Variants in NEB observed in about 807,000 individuals in gnomAD.
NEB encodes the protein nebulin, also known as nemaline myopathy type 2.
NEB carries 512 observed loss-of-function variants against 952.2 expected under a neutral mutation model. The ratio of observed to expected loss-of-function variants is 0.54; its 90% CI spans 0.50 to 0.58. NEB has a LOEUF of 0.58. NEB is among the 20% of genes least tolerant of loss of function. The probability of loss-of-function intolerance (pLI) is 0.00; values close to 1 mark genes in which losing one functional copy is unlikely to be tolerated. For missense variants in NEB, 8,428 were observed against 9,231.1 expected (o/e 0.91, Z 3.56); for synonymous variants, 2,900 against 3,149.8 (o/e 0.92, Z 2.66).
chr2:151,487,045 TTG>T (rs568565482), intron 181 of NEB, among the ~76,000 whole-genome samples: 7 of 151,624 alleles, frequency 4.6e-5, no homozygotes, highest in South Asian at 4.2e-4. Flanking sequence ...ATGCATGAAA[TTG>T]TGTGTGTGTG....
At chr2:151,500,593 CTTTTTTT>C (rs11428843) in intron 168 of NEB, among the ~76,000 whole-genome samples, 7 of 118,458 alleles carry the variant, frequency 5.9e-5, no homozygotes, top group African/African-American at 1.8e-4. Context: ...TTCTTTCTTC[CTTTTTTT>C]TTTTTTTTTT....
chr2:151,708,970 C>G (rs947711787), intron 12 of NEB, among the ~76,000 whole-genome samples: 2 of 152,224 alleles, frequency 1.3e-5, no homozygotes, highest in Non-Finnish European at 2.9e-5. Flanking sequence ...TAATAGCCTT[C>G]TAAGTGATGT....
intron 166 of NEB, 21 bp downstream of exon 166, chr2:151,503,327 TA>T: frequency 1.3e-6 from 2 of 1,531,660 alleles, no homozygotes; most frequent in Non-Finnish European, 1.8e-6. Context: ...AATAGTTTCT[TA>T]TATGATATAT....
At chr2:151,726,389 CCAAA>C (rs1412776748) in intron 5 of NEB, among the ~76,000 whole-genome samples, 1 of 152,152 alleles carries the variant, frequency 6.6e-6, no homozygotes, top group Non-Finnish European at 1.5e-5. Flanking sequence ...TAGAATTTTA[CCAAA>C]CAGTGAGCTG....
chr2:151,554,830 A>G, intron 125 of NEB, 101 bp downstream of exon 125: 5 of 870,668 alleles, frequency 5.7e-6, no homozygotes, highest in Non-Finnish European at 9.8e-6. Flanking sequence ...AGGTATGTGG[A>G]AGTGCACTCT....
In NEB at chr2:151,650,906, GCT is replaced by G. The variant is rs1255609567; in HGVS notation, c.6916-23_6916-22del. ...TTATACTGAAATCAGAGAAAACACA[GCT>G]CTTTTAGTACACAAAGGCCAAGTTA... On this transcript the variant is annotated intron_variant, in intron 52 of 181. Coordinates refer to ENST00000397345, the MANE Select transcript of NEB (RefSeq NM_001164508.2). The G allele has an allele frequency of 5.1e-6, 8 of 1,582,314 alleles. No homozygotes were observed. In the South Asian group the frequency reaches 8.2e-5, roughly 16 times the overall value.
intron 138 of NEB, among the ~76,000 whole-genome samples, chr2:151,539,768 C>T (rs1452922040): frequency 6.6e-6 from 1 of 152,182 alleles, no homozygotes; most frequent in African/African-American, 2.4e-5. Flanking sequence ...ATCTGTCCCC[C>T]CTAATTTTAA....
chr2:151,577,552 T>C (rs1167439702), intron 105 of NEB, among the ~76,000 whole-genome samples: 1 of 152,190 alleles, frequency 6.6e-6, no homozygotes, highest in Non-Finnish European at 1.5e-5. Flanking sequence ...CGGTTATCAA[T>C]GTGAACTCCC....
intron 20 of NEB, among the ~76,000 whole-genome samples, chr2:151,693,527 T>C (rs2099574222): frequency 6.6e-6 from 1 of 152,060 alleles, no homozygotes; most frequent in East Asian, 1.9e-4. Flanking sequence ...TTTGATTTTC[T>C]GTTCCTGCGT....
Position 151,552,665 on chromosome 2 carries a change from C to A in NEB, c.19836+7G>T. On this transcript the variant is annotated splice_region_variant and intron_variant, in intron 128 of 181. Coordinates refer to ENST00000397345, the MANE Select transcript of NEB (RefSeq NM_001164508.2). Reference sequence around the variant, plus strand: ...CTGTCCACTTAACTTCCCCAGTGATCACTTACGTCACTTAGCTGTTTCCCA... The same window carrying A: ...CTGTCCACTTAACTTCCCCAGTGATAACTTACGTCACTTAGCTGTTTCCCA... 1 of 1,602,300 alleles carries A rather than the reference C, an allele frequency of 6.2e-7. No homozygotes were observed. Among genetic ancestry groups the A allele is most frequent in the South Asian group, 1.1e-5 (1 of 90,262 alleles).
At chr2:151,546,077 C>T (rs375181005) in intron 134 of NEB, 79 bp from the exon 135 acceptor site, 30 of 996,320 alleles carry the variant, frequency 3.0e-5, no homozygotes, top group Middle Eastern at 4.2e-4. Flanking sequence ...TTTCAAATGT[C>T]TGGCATGTGT....
chr2:151,579,226 TA>T, intron 105 of NEB, 111 bp downstream of exon 105: 2 of 722,950 alleles, frequency 2.8e-6, no homozygotes, highest in Non-Finnish European at 4.4e-6. Context: ...ATAATTCTGA[TA>T]AAATAATAAT....
chr2:151,511,593 G>A (rs909511030), intron 161 of NEB, among the ~76,000 whole-genome samples: 2 of 152,150 alleles, frequency 1.3e-5, no homozygotes, highest in African/African-American at 4.8e-5. Flanking sequence ...CGTTAACTAT[G>A]GCTTTGGAAC....
chr2:151,489,707 ATAG>A (rs1341425259), intron 181 of NEB, among the ~76,000 whole-genome samples: 1 of 152,046 alleles, frequency 6.6e-6, no homozygotes, highest in Non-Finnish European at 1.5e-5. Flanking sequence ...AATGTTTAAG[ATAG>A]TAGGTGAGAC....
chr2:151,718,201 C>T (rs1377030530), intron 9 of NEB, among the ~76,000 whole-genome samples: 1 of 152,078 alleles, frequency 6.6e-6, no homozygotes, highest in African/African-American at 2.4e-5. Context: ...CAGAAGAAAA[C>T]CTGCAACTCC....
At chr2:151,543,297 C>T (rs562238211) in intron 135 of NEB, among the ~76,000 whole-genome samples, 7 of 152,238 alleles carry the variant, frequency 4.6e-5, no homozygotes, top group South Asian at 2.1e-4. Flanking sequence ...ACAGATAAAA[C>T]GTAAGAAACA....
In NEB at chr2:151,639,869, G is replaced by A; in HGVS notation, c.8877C>T (p.Ile2959=). 2 of 1,613,164 alleles carry A rather than the reference G, an allele frequency of 1.2e-6. No individual in the cohort carries two copies. The highest frequency in any genetic ancestry group is 1.7e-6 in the Non-Finnish European group (2 of 1,179,426). ...LEQVLAKNNA[I]TMNKRLYTEA... is the part of the protein sequence containing the mutation. Reference sequence around the variant, plus strand: ...TTTGAAGTCTCACCTTGTTCATAGTGATGGCATTATTTTTGGCCAACACTT... The same window carrying A: ...TTTGAAGTCTCACCTTGTTCATAGTAATGGCATTATTTTTGGCCAACACTT... The change falls in exon 62 of 182, where the codon ATC becomes ATT. Residue 2959 remains isoleucine (I), a synonymous_variant. Transcript: ENST00000397345.
chr2:151,509,243 G>A (rs542201618), intron 161 of NEB, among the ~76,000 whole-genome samples: 10 of 152,214 alleles, frequency 6.6e-5, no homozygotes, highest in Middle Eastern at 6.8e-3. Context: ...CAGATTTTTC[G>A]GAAGAAACGG....
chr2:151,514,561 C>T, intron 158 of NEB, 133 bp from the exon 159 acceptor site: 2 of 749,530 alleles, frequency 2.7e-6, no homozygotes, highest in Non-Finnish European at 4.6e-6. Flanking sequence ...TGAATACAGG[C>T]AGGGTATAAG....
Sources: allele counts gnomAD v4.1 joint callset (sites outside exome capture counted in the v4.1 genomes callset), GRCh38; gene constraint gnomAD v4.1.1; transcripts MANE v1.5; gene names NCBI Gene and HGNC (gene_info 2026-07-23, HGNC 2026-07-21).